Variants in NECAB1 observed in about 807,000 individuals in gnomAD.
NECAB1 encodes the protein N-terminal EF-hand calcium-binding protein 1.
Under a neutral mutation model 57.5 loss-of-function variants are expected in NECAB1, and 29 were observed. The ratio of observed to expected loss-of-function variants is 0.50; its 90% CI spans 0.38 to 0.69. NECAB1 has a LOEUF of 0.69. Among genes scored for constraint, NECAB1 ranks in the 30% least tolerant of loss-of-function variants. The probability of loss-of-function intolerance (pLI) is 0.00; values close to 1 mark genes in which losing one functional copy is unlikely to be tolerated. For synonymous variants in NECAB1, 142 were observed against 147.7 expected (o/e 0.96, Z 0.28); for missense variants, 372 against 413.8 (o/e 0.90, Z 0.88).
At chr8:90,824,936 A>C in intron 3 of NECAB1, 111 bp downstream of exon 3, 1 of 465,282 alleles carries the variant, frequency 2.1e-6, no homozygotes, top group Non-Finnish European at 3.7e-6. Context: ...TATTTTGCCA[A>C]GTTTGCCTAT....
At chr8:90,846,889 A>G (rs905555772) in intron 3 of NECAB1, among the ~76,000 whole-genome samples, 4 of 152,132 alleles carry the variant, frequency 2.6e-5, no homozygotes, top group Admixed American at 6.5e-5. Flanking sequence ...CCCATGACAT[A>G]TGGGGATTAT....
chr8:90,902,605 C>A (rs1809534965), intron 5 of NECAB1, among the ~76,000 whole-genome samples: 1 of 151,970 alleles, frequency 6.6e-6, no homozygotes, highest in Non-Finnish European at 1.5e-5. Context: ...TATAAATGTT[C>A]AAGTTTATCA....
intron 10 of NECAB1, among the ~76,000 whole-genome samples, chr8:90,942,814 G>A (rs1398158760): frequency 3.3e-5 from 5 of 152,110 alleles, no homozygotes; most frequent in Admixed American, 1.3e-4. Context: ...CCCCGGAGGC[G>A]GAGGTTGCAG....
chr8:90,887,333 C>CTTCATTACCACA (rs1809030120), intron 5 of NECAB1, among the ~76,000 whole-genome samples: 1 of 152,124 alleles, frequency 6.6e-6, no homozygotes, highest in Non-Finnish European at 1.5e-5. Context: ...TACCACAAGG[C>CTTCATTACCACA]AGTAATAAAC....
chr8:90,851,541 A>G (rs1195217140), intron 3 of NECAB1, among the ~76,000 whole-genome samples: 2 of 152,164 alleles, frequency 1.3e-5, no homozygotes, highest in East Asian at 1.9e-4. Context: ...GAAAAACCCC[A>G]TACATTTGGT....
At chr8:90,824,591 A>G in intron 2 of NECAB1, 126 bp from the exon 3 acceptor site, 1 of 510,454 alleles carries the variant, frequency 2.0e-6, no homozygotes. Context: ...TAACACCTTC[A>G]GCTGTTCTTT....
At chr8:90,934,268 T>A in intron 8 of NECAB1, 36 bp from the exon 9 acceptor site, 1 of 1,442,362 alleles carries the variant, frequency 6.9e-7, no homozygotes, top group Non-Finnish European at 9.4e-7. Flanking sequence ...TGATATAATT[T>A]TTTTTCTTTT....
chr8:90,896,298 T>C (rs1171297970), intron 5 of NECAB1, among the ~76,000 whole-genome samples: 3 of 152,216 alleles, frequency 2.0e-5, no homozygotes, highest in Non-Finnish European at 4.4e-5. Flanking sequence ...GAGTTCTAAA[T>C]TTCTTTTCAA....
rs1811032937 is a variant in NECAB1 at position 90,956,386 on chromosome 8, A to G, written c.*874A>G. On this transcript the variant is annotated 3_prime_UTR_variant, in exon 13 of 13. Coordinates refer to ENST00000417640, the MANE Select transcript of NECAB1 (RefSeq NM_022351.5). ...AATAAAATTTTAACCCAAATGAATA[A>G]CTAAGAAATATAAAACAAGCACAAA... is the stretch of plus-strand genomic sequence containing the variant. 1 of 151,978 alleles carries G rather than the reference A, an allele frequency of 6.6e-6. No individual in the cohort carries two copies. Among genetic ancestry groups the G allele is most frequent in the African/African-American group, 2.4e-5 (1 of 41,402 alleles). 9.4% of individuals were successfully genotyped at this position (151,978 alleles called of 1,614,324 possible).
At chr8:90,806,500 TAATA>T (rs1296199843) in intron 2 of NECAB1, 1 of 152,246 alleles carries the variant, frequency 6.6e-6, no homozygotes, top group Non-Finnish European at 1.5e-5. Context: ...GTTTATTAAT[TAATA>T]ATGTTCGATA....
At chr8:90,940,961 C>T in intron 10 of NECAB1, 63 bp downstream of exon 10, 2 of 1,235,258 alleles carry the variant, frequency 1.6e-6, no homozygotes, top group Non-Finnish European at 2.3e-6. Context: ...GAAGGCATTT[C>T]TTACTTTAGA....
At chr8:90,928,531 G>A (rs1552397) in intron 8 of NECAB1, among the ~76,000 whole-genome samples, 79,192 of 151,988 alleles carry the variant, frequency 0.52, 23,862 homozygotes, top group African/African-American at 0.81. Context: ...TTTAAAATAG[G>A]ATGTGGAGTT....
intron 12 of NECAB1, among the ~76,000 whole-genome samples, chr8:90,954,978 T>C (rs1289757587): frequency 1.4e-5 from 2 of 138,208 alleles, no homozygotes; most frequent in African/African-American, 2.6e-5. Flanking sequence ...ATATTATGTG[T>C]GTACATATAT....
chr8:90,799,412 G>A (rs1811723884), intron 1 of NECAB1, among the ~76,000 whole-genome samples: 2 of 151,886 alleles, frequency 1.3e-5, no homozygotes, highest in African/African-American at 4.8e-5. Flanking sequence ...TATTTTCTAG[G>A]TTTTCTTATA....
intron 2 of NECAB1, among the ~76,000 whole-genome samples, chr8:90,811,388 C>A (rs1329373634): frequency 1.3e-5 from 2 of 152,084 alleles, no homozygotes; most frequent in African/African-American, 4.8e-5. Flanking sequence ...GAGAAAACAC[C>A]CTAATGCATT....
chr8:90,910,543 A>T (rs1459113764), intron 5 of NECAB1, among the ~76,000 whole-genome samples: 1 of 151,852 alleles, frequency 6.6e-6, no homozygotes, highest in East Asian at 1.9e-4. Flanking sequence ...TCTCTCCCCA[A>T]CTTTTTATCT....
chr8:90,815,790 G>A (rs73313053), intron 2 of NECAB1, among the ~76,000 whole-genome samples: 17,390 of 151,840 alleles, frequency 0.11, 1,555 homozygotes, highest in African/African-American at 0.25. Context: ...TTATCCATGC[G>A]TCTACTTCAG....
intron 3 of NECAB1, among the ~76,000 whole-genome samples, chr8:90,847,508 G>T (rs113363299): frequency 0.022 from 3,377 of 152,308 alleles, 123 homozygotes; most frequent in African/African-American, 0.077. Flanking sequence ...GCTCCACTAG[G>T]CAGTGCCTCA....
chr8:90,878,052 T>C (rs77411486), intron 4 of NECAB1, among the ~76,000 whole-genome samples: 1 of 151,958 alleles, frequency 6.6e-6, no homozygotes, highest in Non-Finnish European at 1.5e-5. Context: ...TTTTTTTTTT[T>C]CAAAGACAGG....
Sources: gnomAD v4.1 joint callset for allele counts (sites outside exome capture counted in the v4.1 genomes callset) on GRCh38, gnomAD v4.1.1 for gene constraint, MANE v1.5 for transcripts, NCBI Gene and HGNC (gene_info 2026-07-23, HGNC 2026-07-21) for gene names.